The following TYW5 variants were observed in gnomAD, a reference collection of about 807,000 sequenced individuals.
The protein encoded by TYW5 is tRNA-yW synthesizing protein 5, also known as tRNA wybutosine-synthesizing protein 5.
Under a neutral mutation model 44.4 loss-of-function variants are expected in TYW5, and 36 were observed. The ratio of observed to expected loss-of-function variants is 0.81; its 90% confidence interval spans 0.62 to 1.07. The LOEUF (loss-of-function observed/expected upper bound fraction) is 1.07. Among genes scored for constraint, TYW5 ranks in the 50% least tolerant of loss-of-function variants. The probability of loss-of-function intolerance (pLI) is 0.00; values close to 1 mark genes in which losing one functional copy is unlikely to be tolerated. For missense variants in TYW5, 354 were observed against 365.7 expected (o/e 0.97, Z 0.26); for synonymous variants, 121 against 128.1 (o/e 0.94, Z 0.37).
intron 3 of TYW5, chr2:199,942,167 C>CG (rs2077470317): frequency 6.6e-6 from 1 of 151,822 alleles, no homozygotes; most frequent in Admixed American, 6.6e-5. Flanking sequence ...CCCGGGTTCA[C>CG]GCCATTCTCC....
intron 4 of TYW5, 56 bp downstream of exon 4, chr2:199,940,033 A>AACAT: frequency 6.6e-7 from 1 of 1,508,312 alleles, no homozygotes; most frequent in East Asian, 2.3e-5. Context: ...GTTGCCAGTT[A>AACAT]ACATACATAC....
intron 7 of TYW5, among the ~76,000 whole-genome samples, 161 bp downstream of exon 7, chr2:199,935,770 A>G (rs6435039): frequency 0.81 from 118,568 of 145,728 alleles, 48,056 homozygotes; most frequent in South Asian, 0.89. Context: ...ACACACATAC[A>G]CACACACGCA....
intron 1 of TYW5, among the ~76,000 whole-genome samples, chr2:199,954,249 G>A (rs1164471955): frequency 6.6e-6 from 1 of 151,926 alleles, no homozygotes; most frequent in Non-Finnish European, 1.5e-5. Context: ...ATACAGGCGT[G>A]CGCCACCACG....
chr2:199,945,253 T>C (rs988032669), intron 2 of TYW5: 1 of 152,174 alleles, frequency 6.6e-6, no homozygotes, highest in African/African-American at 2.4e-5. Context: ...AAAACAAATA[T>C]TCCCTGGATT....
intron 1 of TYW5, among the ~76,000 whole-genome samples, chr2:199,952,685 T>C (rs1156472709): frequency 2.0e-5 from 3 of 152,252 alleles, no homozygotes; most frequent in Non-Finnish European, 4.4e-5. Context: ...TAATCTAATA[T>C]TACACCTGAA....
At chr2:199,954,882 G>T (rs2077581737) in intron 1 of TYW5, among the ~76,000 whole-genome samples, 1 of 152,166 alleles carries the variant, frequency 6.6e-6, no homozygotes, top group African/African-American at 2.4e-5. Flanking sequence ...GAAAAGCACT[G>T]CAAGTAAAAG....
intron 1 of TYW5, 161 bp downstream of exon 1, chr2:199,955,232 G>A (rs2077586717): frequency 8.5e-6 from 6 of 703,784 alleles, no homozygotes; most frequent in Admixed American, 5.9e-5. Flanking sequence ...GGCGTCCCCC[G>A]TGCACCTTTC....
intron 2 of TYW5, chr2:199,945,582 A>G (rs2077497805): frequency 6.6e-6 from 1 of 152,198 alleles, no homozygotes; most frequent in Admixed American, 6.5e-5. Flanking sequence ...TATACCCTTC[A>G]TTCCTTCTTG....
At chr2:199,950,538 G>T (rs950556382) in intron 1 of TYW5, among the ~76,000 whole-genome samples, 1 of 152,168 alleles carries the variant, frequency 6.6e-6, no homozygotes, top group Non-Finnish European at 1.5e-5. Context: ...ATCTCTGTGG[G>T]TCTTCCCCGG....
At chr2:199,935,192 C>T (rs1244766358) in intron 7 of TYW5, among the ~76,000 whole-genome samples, 3 of 151,200 alleles carry the variant, frequency 2.0e-5, no homozygotes, top group Non-Finnish European at 4.4e-5. Context: ...AATCTTTTCC[C>T]AGATATAAAG....
intron 7 of TYW5, among the ~76,000 whole-genome samples, chr2:199,935,191 C>G (rs1027098970): frequency 2.0e-5 from 3 of 151,028 alleles, no homozygotes; most frequent in Admixed American, 6.6e-5. Context: ...TAATCTTTTC[C>G]CAGATATAAA....
Position 199,929,441 on chromosome 2 carries a change from TG to T in TYW5, c.*3625del, listed in dbSNP as rs1385227252. On this transcript the variant is annotated 3_prime_UTR_variant, in exon 8 of 8. Coordinates refer to ENST00000354611, the MANE Select transcript of TYW5 (RefSeq NM_001039693.3). ...TAAGGTAACACCAGAGATGTGTGGGTGACTGCCAATCTATGTTAGTTCCTCC... is the reference window on the plus strand; with the variant it reads ...TAAGGTAACACCAGAGATGTGTGGGTACTGCCAATCTATGTTAGTTCCTCC... Among the ~76,000 whole-genome samples the T allele has an allele frequency of 1.3e-5, 2 of 152,070 alleles. No individual in the cohort carries two copies. Among genetic ancestry groups the T allele is most frequent in the Non-Finnish European group, 2.9e-5 (2 of 67,974 alleles).
chr2:199,954,458 T>C (rs569538528), intron 1 of TYW5, among the ~76,000 whole-genome samples: 53 of 151,948 alleles, frequency 3.5e-4, no homozygotes, highest in African/African-American at 1.3e-3. Context: ...TGAGACCGAG[T>C]TTAGCTCTTG....
Position 199,948,359 on chromosome 2 carries a change from T to C in TYW5, c.192A>G (p.Ala64=). Residue 64 remains alanine, a synonymous_variant, in exon 2 of 8, where the codon GCA becomes GCG. Coordinates refer to ENST00000354611, the MANE Select transcript of TYW5 (RefSeq NM_001039693.3). ...GKKEVKIHVA[A]VAQMDFISKN... ...TACTAATGAAGTCCATCTGTGCAAC[T>C]GCAGCAACATGAATCTTTACTTCTT... is the stretch of plus-strand genomic sequence containing the variant. 1.2e-6 allele frequency: 2 copies of C among 1,614,190 alleles called. No individual in the cohort carries two copies. The highest frequency in any genetic ancestry group is 1.7e-6 in the Non-Finnish European group (2 of 1,180,024).
At chr2:199,949,983 A>C (rs1177907833) in intron 1 of TYW5, among the ~76,000 whole-genome samples, 1 of 152,094 alleles carries the variant, frequency 6.6e-6, no homozygotes, top group East Asian at 1.9e-4. Context: ...GCACTTCCTT[A>C]CATTATGGCA....
At chr2:199,944,019 C>A in intron 2 of TYW5, 185 bp from the exon 3 acceptor site, 1 of 479,508 alleles carries the variant, frequency 2.1e-6, no homozygotes, top group Non-Finnish European at 3.7e-6. Context: ...AGTATGTTTA[C>A]TTGATCTAAG....
rs768598586 is a variant in TYW5, at chr2:199,931,398, C to T, written c.*1669G>A. 1.1e-4 allele frequency: 17 copies of T among 152,012 alleles called. No individual in the cohort carries two copies. Among genetic ancestry groups the T allele is most frequent in the Non-Finnish European group, 2.1e-4 (14 of 67,984 alleles). The allele number at this position is 152,012 out of a possible 1,614,324, so 9.4% of individuals were successfully genotyped here. A position where few individuals can be genotyped will look rare whatever the true frequency, so the allele number is the denominator to read the frequency against. ...TTTTCTACATGACTCTGGATTTATA[C>T]TTTGTATCAATTCTCTTGCTGGTTA... On this transcript the variant is annotated 3_prime_UTR_variant, in exon 8 of 8. Coordinates refer to ENST00000354611, the MANE Select transcript of TYW5 (RefSeq NM_001039693.3).
intron 1 of TYW5, among the ~76,000 whole-genome samples, chr2:199,949,199 T>TA (rs917128905): frequency 1.7e-4 from 25 of 148,016 alleles, no homozygotes; most frequent in East Asian, 5.9e-4. Flanking sequence ...TACTAAAAAT[T>TA]AAAAAAAAAA....
chr2:199,937,506 T>TA (rs879407692), intron 5 of TYW5, among the ~76,000 whole-genome samples: 45 of 138,792 alleles, frequency 3.2e-4, no homozygotes, highest in South Asian at 6.9e-4. Flanking sequence ...ATACTAAAAA[T>TA]AAAAAAAAAA....
Sources: gnomAD v4.1 joint callset for allele counts (sites outside exome capture counted in the v4.1 genomes callset) on GRCh38, gnomAD v4.1.1 for gene constraint, MANE v1.5 for transcripts, NCBI Gene and HGNC (gene_info 2026-07-23, HGNC 2026-07-21) for gene names.